Variants in CFHR4 observed in about 807,000 individuals in gnomAD.
The protein encoded by CFHR4 is complement factor H related 4, also known as complement factor H-related protein 4.
CFHR4 carries 64 observed loss-of-function variants against 69.3 expected under a neutral mutation model. The ratio of observed to expected loss-of-function variants is 0.92; its 90% CI spans 0.76 to 1.14. The LOEUF (loss-of-function observed/expected upper bound fraction) is 1.14. Ranked by LOEUF, CFHR4 falls within the 50% of genes most tolerant of loss-of-function variation. CFHR4 has a pLI of 0.00. For synonymous variants in CFHR4, 244 were observed against 237.0 expected (o/e 1.03, Z -0.27); for missense variants, 636 against 684.9 (o/e 0.93, Z 0.80).
intron 1 of CFHR4, among the ~76,000 whole-genome samples, chr1:196,893,158 A>G (rs995602530): frequency 2.2e-4 from 34 of 151,750 alleles, no homozygotes; most frequent in African/African-American, 7.8e-4. Context: ...CTATCACAGC[A>G]TAGAAGACAA....
chr1:196,888,149 A>T lies in CFHR4; in HGVS notation c.-2A>T. ...ATTACTATACTACTGAGAATATCTA[A>T]CATGTTGTTACTAATCAATGTCATT... On this transcript the variant is annotated 5_prime_UTR_variant, in exon 1 of 10. It removes the in-frame stop codon of an upstream open reading frame in the 5' UTR. Coordinates refer to ENST00000608469, the MANE Select transcript of CFHR4 (RefSeq NM_001201550.3). The T allele has an allele frequency of 6.2e-7, 1 of 1,610,794 alleles. No homozygotes were observed.
chr1:196,915,970 C>A lies in CFHR4; in HGVS notation c.1540+832C>A, dbSNP rs561520546. ...GCTGGTTAACACTGAGAAGTTCTTT[C>A]TCTGATTATTATTCTTACTTATATT... On this transcript the variant is annotated intron_variant, in intron 9 of 9. Transcript: ENST00000608469. Among the ~76,000 whole-genome samples, 257 of 151,762 alleles carry A rather than the reference C, an allele frequency of 1.7e-3. 8 individuals carry two copies. Among genetic ancestry groups the A allele is most frequent in the African/African-American group, 5.9e-3 (242 of 41,272 alleles).
intron 1 of CFHR4, among the ~76,000 whole-genome samples, chr1:196,891,752 C>T (rs369562518): frequency 1.9e-4 from 29 of 151,256 alleles, no homozygotes; most frequent in Non-Finnish European, 4.3e-4. Flanking sequence ...AAATTATTTG[C>T]TATTTAAATT....
chr1:196,902,577 G>A lies in CFHR4; in HGVS notation c.218G>A (p.Cys73Tyr). 6.2e-7 allele frequency: 1 copy of A among 1,612,310 alleles called. No homozygotes were observed. Among genetic ancestry groups the A allele is most frequent in the East Asian group, 2.2e-5 (1 of 44,796 alleles). ...PSGSYWDYIH[C>Y]TQDGWSPTVP... ...GGAAGTTACTGGGATTACATTCATT[G>A]CACACAAGATGGTTGGTCACCAACG... Residue 73 changes from cysteine to tyrosine, a missense_variant, in exon 2 of 10, where the codon TGC becomes TAC. Cys to Tyr is a radical substitution (Grantham distance 194, BLOSUM62 -2). Transcript: ENST00000608469.
chr1:196,902,703 C>G, intron 2 of CFHR4, 88 bp downstream of exon 2: 2 of 986,570 alleles, frequency 2.0e-6, no homozygotes, highest in East Asian at 2.5e-5. Context: ...TCTTATATAA[C>G]AGAAATAGGA....
intron 9 of CFHR4, 118 bp from the exon 10 acceptor site, chr1:196,918,085 ATAACTAT>A: frequency 9.4e-7 from 1 of 1,064,116 alleles, no homozygotes; most frequent in South Asian, 1.7e-5. Flanking sequence ...GCACAAATTA[ATAACTAT>A]TAACTATTTG....
intron 6 of CFHR4, among the ~76,000 whole-genome samples, chr1:196,911,946 G>T (rs1429893696): frequency 6.6e-6 from 1 of 151,268 alleles, no homozygotes; most frequent in African/African-American, 2.4e-5. Context: ...TTATAAATAT[G>T]CATCATCTTT....
At chr1:196,907,094 A>C (rs1440511448) in intron 4 of CFHR4, 57 bp downstream of exon 4, 1 of 1,464,282 alleles carries the variant, frequency 6.8e-7, no homozygotes, top group Non-Finnish European at 9.4e-7. Flanking sequence ...AGAAACATAC[A>C]TATGTATATG....
intron 6 of CFHR4, among the ~76,000 whole-genome samples, chr1:196,911,916 T>C (rs1158738486): frequency 2.0e-5 from 3 of 151,444 alleles, no homozygotes; most frequent in Non-Finnish European, 4.4e-5. Flanking sequence ...AGAAAACTCA[T>C]GATTATGACA....
chr1:196,904,706 G>T (rs966091282), intron 2 of CFHR4, among the ~76,000 whole-genome samples: 1 of 151,484 alleles, frequency 6.6e-6, no homozygotes, highest in Non-Finnish European at 1.5e-5. Context: ...CCTTGCCTGT[G>T]GTAGCAGTGT....
rs187757300 is a variant in CFHR4, at chr1:196,917,489, C to G, written c.1541-721C>G. Among the ~76,000 whole-genome samples, 932 of 151,594 alleles carry G rather than the reference C, an allele frequency of 6.1e-3. 5 individuals are homozygous for G. Among genetic ancestry groups the G allele is most frequent in the African/African-American group, 0.021 (866 of 41,180 alleles). On this transcript the variant is annotated intron_variant, in intron 9 of 9. Transcript: ENST00000608469. ...AACCCATATGTGGAAGTAACATTAT[C>G]TTACTGATTTTACAGATGAAGGCAT...
In CFHR4 at chr1:196,914,524, T is replaced by C; in HGVS notation, c.1210T>C (p.Ser404Pro). Reference sequence around the variant, plus strand: ...TTGTGATATGCCTGTTTTTGAGAATTCCAGAGCCAAGAGTAATGGCATGCG... The same window carrying C: ...TTGTGATATGCCTGTTTTTGAGAATCCCAGAGCCAAGAGTAATGGCATGCG... The part of the protein sequence containing the change: ...KFCDMPVFEN[S>P]RAKSNGMRFK... Residue 404 changes from serine to proline, a missense_variant, in exon 8 of 10, where the codon TCC (serine) becomes CCC (proline). This residue lies in a region of CFHR4 where 529 missense variants were observed against 533.2 expected (regional missense o/e 0.99). Coordinates refer to ENST00000608469, the MANE Select transcript of CFHR4 (RefSeq NM_001201550.3). 6.2e-7 allele frequency: 1 copy of C among 1,606,060 alleles called. No homozygotes were observed. The highest frequency in any genetic ancestry group is 8.5e-7 in the Non-Finnish European group (1 of 1,177,290).
intron 1 of CFHR4, among the ~76,000 whole-genome samples, chr1:196,892,874 C>T (rs927929826): frequency 1.3e-5 from 2 of 151,304 alleles, no homozygotes; most frequent in Non-Finnish European, 2.9e-5. Context: ...GTGTATTTAG[C>T]TTTAAAAAGA....
intron 1 of CFHR4, among the ~76,000 whole-genome samples, chr1:196,897,182 G>A (rs1198684988): frequency 6.6e-6 from 1 of 151,520 alleles, no homozygotes; most frequent in Non-Finnish European, 1.5e-5. Context: ...GATTCCCCTC[G>A]CAGGACGTGC....
At chr1:196,901,703 T>C (rs911302477) in intron 1 of CFHR4, among the ~76,000 whole-genome samples, 2 of 151,340 alleles carry the variant, frequency 1.3e-5, no homozygotes, top group South Asian at 2.1e-4. Context: ...AACATATATG[T>C]CAAATATTCA....
intron 1 of CFHR4, 50 bp from the exon 2 acceptor site, chr1:196,902,368 T>C (rs772311435): frequency 3.3e-6 from 4 of 1,219,768 alleles, no homozygotes; most frequent in Non-Finnish European, 4.7e-6. Flanking sequence ...TATATGATTA[T>C]CTGTTATAGA....
chr1:196,917,256 T>C (rs998605333), intron 9 of CFHR4, among the ~76,000 whole-genome samples: 5 of 152,014 alleles, frequency 3.3e-5, no homozygotes, highest in Admixed American at 2.6e-4. Context: ...GAGTGAATGA[T>C]ATCATCAAAA....
At chr1:196,902,040 A>T (rs1657642279) in intron 1 of CFHR4, among the ~76,000 whole-genome samples, 1 of 151,210 alleles carries the variant, frequency 6.6e-6, no homozygotes, top group African/African-American at 2.4e-5. Context: ...ACTATCTCCC[A>T]CTCTAGAGTT....
chr1:196,894,889 A>AAACAACAACAACAACAACAAC lies in CFHR4; in HGVS notation c.58+6701_58+6702insCAACAACAACAACAACAACAA, dbSNP rs56866921. ...AAGCATGGCAAAACCCTGTCTCTAA[A>AAACAACAACAACAACAACAAC]AACAACAACAACAACAACAAATTAT... On this transcript the variant is annotated intron_variant, in intron 1 of 9. Coordinates refer to ENST00000608469, the MANE Select transcript of CFHR4 (RefSeq NM_001201550.3). Among the ~76,000 whole-genome samples, 747 of 149,066 alleles carry AAACAACAACAACAACAACAAC rather than the reference A, an allele frequency of 5.0e-3. 24 individuals are homozygous for AAACAACAACAACAACAACAAC. The highest frequency in any genetic ancestry group is 0.018 in the African/African-American group (725 of 39,904).
Sources: allele counts gnomAD v4.1 joint callset (sites outside exome capture counted in the v4.1 genomes callset), GRCh38; gene constraint gnomAD v4.1.1; regional missense constraint gnomAD v4.1.1; transcripts MANE v1.5; gene names NCBI Gene and HGNC (gene_info 2026-07-23, HGNC 2026-07-21).